GRID2: variants seen among roughly 807,000 people sequenced by gnomAD.
GRID2 encodes the protein glutamate receptor ionotropic, delta-2.
Under a neutral mutation model 114.8 loss-of-function variants are expected in GRID2, and 33 were observed. That is an observed-to-expected ratio of 0.29 (90% CI 0.22 to 0.38). The LOEUF (loss-of-function observed/expected upper bound fraction) is 0.38, where lower values mean the gene tolerates loss of function less well. GRID2 is among the 10% of genes least tolerant of loss of function. The pLI, the probability that GRID2 is intolerant of heterozygous loss-of-function variation, is 1.00. For missense variants in GRID2, 1,184 were observed against 1,257.7 expected, an observed-to-expected ratio of 0.94 and a Z score of 0.89; for synonymous variants, 505 against 449.9, an observed-to-expected ratio of 1.12 and a Z score of -1.55.
In GRID2 at chr4:93,029,851, T is replaced by G. The variant is rs181447248; in HGVS notation, c.245-55144T>G. ...TCTCTCAAAAGAAAATGTTTAGGTA[T>G]AACTAACTTACTGGGAGAGTGTGAT... On this transcript the variant is annotated intron_variant, in intron 2 of 15. Transcript: ENST00000282020. Among the ~76,000 whole-genome samples the G allele has an allele frequency of 3.1e-3, 473 of 152,330 alleles. 3 individuals carry two copies. Among genetic ancestry groups the G allele is most frequent in the African/African-American group, 0.011 (461 of 41,584 alleles).
chr4:93,293,548 A>C (rs1221122118), intron 8 of GRID2, among the ~76,000 whole-genome samples: 1 of 152,052 alleles, frequency 6.6e-6, no homozygotes, highest in Non-Finnish European at 1.5e-5. Context: ...CTTTAACATC[A>C]AGCAGACTAA....
intron 11 of GRID2, among the ~76,000 whole-genome samples, chr4:93,486,133 TG>T (rs1726383264): frequency 6.6e-6 from 1 of 151,782 alleles, no homozygotes; most frequent in Non-Finnish European, 1.5e-5. Context: ...GCAAATGATA[TG>T]TTTTTTAATT....
chr4:93,284,391 A>T (rs949656362), intron 8 of GRID2, among the ~76,000 whole-genome samples: 1 of 152,050 alleles, frequency 6.6e-6, no homozygotes, highest in African/African-American at 2.4e-5. Flanking sequence ...GGATCAGGAA[A>T]AACAACCAAT....
At chr4:92,558,783 AG>A (rs1167338827) in intron 1 of GRID2, among the ~76,000 whole-genome samples, 2 of 141,890 alleles carry the variant, frequency 1.4e-5, no homozygotes, top group Admixed American at 1.4e-4. Flanking sequence ...CTTTGCACCA[AG>A]GGCACATTTC....
chr4:93,154,643 T>A (rs1737012697), intron 4 of GRID2, among the ~76,000 whole-genome samples: 1 of 151,974 alleles, frequency 6.6e-6, no homozygotes. Context: ...TAAAAGTATC[T>A]GATTGAAGAA....
chr4:93,029,860 T>C (rs1378217675), intron 2 of GRID2, among the ~76,000 whole-genome samples: 1 of 152,222 alleles, frequency 6.6e-6, no homozygotes, highest in African/African-American at 2.4e-5. Context: ...ATAACTAACT[T>C]ACTGGGAGAG....
chr4:92,753,363 A>G (rs1578145334), intron 2 of GRID2, among the ~76,000 whole-genome samples: 1 of 152,180 alleles, frequency 6.6e-6, no homozygotes, highest in Non-Finnish European at 1.5e-5. Context: ...ATGATGCGTA[A>G]TAAATGACAT....
At chr4:93,160,660 C>T (rs1276442554) in intron 4 of GRID2, among the ~76,000 whole-genome samples, 1 of 151,778 alleles carries the variant, frequency 6.6e-6, no homozygotes, top group Admixed American at 6.6e-5. Context: ...ACAATTAGGA[C>T]ACTTGTTAGC....
intron 14 of GRID2, among the ~76,000 whole-genome samples, chr4:93,714,095 C>A (rs2110174967): frequency 6.6e-6 from 1 of 152,168 alleles, no homozygotes; most frequent in East Asian, 1.9e-4. Flanking sequence ...TCCTTCCTCC[C>A]CCACCCCCAA....
intron 12 of GRID2, among the ~76,000 whole-genome samples, chr4:93,500,686 T>A (rs921973995): frequency 1.3e-5 from 2 of 152,008 alleles, no homozygotes; most frequent in Non-Finnish European, 2.9e-5. Flanking sequence ...AATTTAGGCA[T>A]AAATAAGGTC....
At chr4:93,456,624 T>G (rs547775413) in intron 11 of GRID2, among the ~76,000 whole-genome samples, 2 of 152,274 alleles carry the variant, frequency 1.3e-5, no homozygotes, top group South Asian at 2.1e-4. Context: ...TAGAATAATA[T>G]TTATTGCATT....
rs186691688 is a variant in GRID2 at position 93,052,598 on chromosome 4, C to T, written c.245-32397C>T. 4.9e-3 allele frequency among the ~76,000 whole-genome samples: 749 copies of T among 151,970 alleles called. 3 individuals are homozygous for T. Among genetic ancestry groups the T allele is most frequent in the Middle Eastern group, 0.01 (3 of 294 alleles). ...TATCTATATGTAGAAAAGTAAAATA[C>T]AGTAAAAATACAGTATTACAATGTT... On this transcript the variant is annotated intron_variant, in intron 2 of 15. Transcript: ENST00000282020.
chr4:92,658,082 TC>T (rs1337162726), intron 2 of GRID2, among the ~76,000 whole-genome samples: 1 of 151,768 alleles, frequency 6.6e-6, no homozygotes. Flanking sequence ...AAATGGAGCT[TC>T]AGCCCTTATA....
intron 1 of GRID2, among the ~76,000 whole-genome samples, chr4:92,465,826 A>G (rs1289299543): frequency 1.3e-5 from 2 of 151,954 alleles, no homozygotes; most frequent in African/African-American, 4.8e-5. Context: ...AAAAGCATCT[A>G]ACATGTTTGC....
intron 1 of GRID2, among the ~76,000 whole-genome samples, chr4:92,338,285 A>G (rs1376937266): frequency 6.6e-6 from 1 of 152,220 alleles, no homozygotes; most frequent in Non-Finnish European, 1.5e-5. Context: ...GACGGATTGT[A>G]CCTATACCAT....
chr4:93,680,691 C>T (rs1261018807), intron 14 of GRID2, among the ~76,000 whole-genome samples: 1 of 151,462 alleles, frequency 6.6e-6, no homozygotes, highest in African/African-American at 2.4e-5. Flanking sequence ...ATGATTATCT[C>T]AATAGATGCA....
intron 2 of GRID2, among the ~76,000 whole-genome samples, chr4:92,899,907 G>C (rs1747449019): frequency 6.6e-6 from 1 of 152,188 alleles, no homozygotes; most frequent in South Asian, 2.1e-4. Context: ...TTATGGAGGA[G>C]AGTTGCTTGT....
At chr4:93,593,488 T>TTTCA (rs1738648987) in intron 13 of GRID2, among the ~76,000 whole-genome samples, 1 of 136,522 alleles carries the variant, frequency 7.3e-6, no homozygotes, top group South Asian at 2.7e-4. Flanking sequence ...GCCCTTAACA[T>TTTCA]TTTTTCCTTC....
At chr4:93,764,773 T>C (rs538435414) in intron 14 of GRID2, among the ~76,000 whole-genome samples, 4 of 152,292 alleles carry the variant, frequency 2.6e-5, no homozygotes, top group African/African-American at 7.2e-5. Context: ...TTCAATCCCA[T>C]AGATTAACAA....
Sources: allele counts gnomAD v4.1 joint callset (sites outside exome capture counted in the v4.1 genomes callset), GRCh38; gene constraint gnomAD v4.1.1; transcripts MANE v1.5; gene names NCBI Gene and HGNC (gene_info 2026-07-23, HGNC 2026-07-21).